IGF2R: variants seen among roughly 807,000 people sequenced by gnomAD.
The protein encoded by IGF2R is cation-independent mannose-6-phosphate receptor.
IGF2R carries 91 observed loss-of-function variants against 270.6 expected under a neutral mutation model. That is an observed-to-expected ratio of 0.34 (90% CI 0.28 to 0.40). The LOEUF is 0.40. IGF2R is among the 10% of genes least tolerant of loss of function. IGF2R has a pLI of 1.00. For synonymous variants in IGF2R, 1,316 were observed against 1,258.9 expected (o/e 1.05, Z -0.96); for missense variants, 2,805 against 3,188.3 (o/e 0.88, Z 2.90).
At position 160,108,681 on chromosome 6, in the gene IGF2R, TTTTC is replaced by T. The variant is rs950818278; in HGVS notation, c.*3603_*3606del. 5 of 152,302 alleles carry T rather than the reference TTTTC, an allele frequency of 3.3e-5. No individual in the cohort carries two copies. The highest frequency in any genetic ancestry group is 2.1e-4 in the South Asian group (1 of 4,824). The allele number at this position is 152,302 out of a possible 1,614,324, so 9.4% of individuals were successfully genotyped here. On this transcript the variant is annotated 3_prime_UTR_variant, in exon 48 of 48. Coordinates refer to ENST00000356956, the MANE Select transcript of IGF2R (RefSeq NM_000876.4). ...TTTCTTTCCTTTTCTCTCTCTCTCT[TTTTC>T]TTTCTCTCTTTCTTTCGAGATGGAG...
chr6:160,036,383 A>G (rs79972392), intron 10 of IGF2R, among the ~76,000 whole-genome samples: 2 of 152,160 alleles, frequency 1.3e-5, no homozygotes, highest in African/African-American at 2.4e-5. Context: ...TGCAGCCTGT[A>G]TCTTCCCCAT....
chr6:160,092,822 C>T (rs951881944), intron 44 of IGF2R, among the ~76,000 whole-genome samples: 7 of 152,234 alleles, frequency 4.6e-5, no homozygotes, highest in Admixed American at 1.3e-4. Context: ...CCTGCACTCT[C>T]GCCTCTGCAT....
intron 44 of IGF2R, chr6:160,093,671 C>A: frequency 2.7e-6 from 2 of 751,160 alleles, no homozygotes; most frequent in South Asian, 1.4e-5. Context: ...AACTCTGGCT[C>A]ATTTCCAAAC....
chr6:160,061,711 A>T, intron 24 of IGF2R, 42 bp from the exon 25 acceptor site: 2 of 1,613,556 alleles, frequency 1.2e-6, no homozygotes, highest in Non-Finnish European at 1.7e-6. Context: ...ACTCAAGGTC[A>T]TCGCCTTCCT....
chr6:160,046,661 G>C lies in IGF2R; in HGVS notation c.2051+16G>C, dbSNP rs780097647. On this transcript the variant is annotated intron_variant, in intron 15 of 47. Coordinates refer to ENST00000356956, the MANE Select transcript of IGF2R (RefSeq NM_000876.4). ...TGGCAAAAAGGCAAGTAGCTTCTCA[G>C]TTCTGTTTCATTCTTAGGCATTATA... 1.7e-5 allele frequency: 27 copies of C among 1,609,226 alleles called. No homozygotes were observed. Among genetic ancestry groups the C allele is most frequent in the Non-Finnish European group, 1.8e-5 (21 of 1,178,912 alleles).
chr6:159,971,702 C>A (rs990833418), intron 1 of IGF2R, among the ~76,000 whole-genome samples: 36 of 152,220 alleles, frequency 2.4e-4, no homozygotes, highest in African/African-American at 8.0e-4. Context: ...GGCAGAAGTG[C>A]AGTGGTGCAG....
At chr6:160,071,132 T>G (rs1308923825) in intron 31 of IGF2R, among the ~76,000 whole-genome samples, 1 of 135,144 alleles carries the variant, frequency 7.4e-6, no homozygotes, top group Non-Finnish European at 1.6e-5. Context: ...GGGTGGTGTG[T>G]GGGGGCCTCT....
chr6:160,040,608 C>T lies in IGF2R; in HGVS notation c.1364C>T (p.Thr455Ile). Residue 455 changes from threonine to isoleucine, a missense_variant, in exon 11 of 48, where the codon ACC (threonine) becomes ATC (isoleucine). Coordinates refer to ENST00000356956, the MANE Select transcript of IGF2R (RefSeq NM_000876.4). ...TPVFTGEVDC[T>I]YFFTWDTEYA... ...GTATTCACAGGGGAGGTTGACTGCA[C>T]CTACTTCTTCACATGGGACACGGAA... 1 of 1,614,078 alleles carries T rather than the reference C, an allele frequency of 6.2e-7. No homozygotes were observed. The highest frequency in any genetic ancestry group is 8.5e-7 in the Non-Finnish European group (1 of 1,179,942).
chr6:159,971,991 A>T (rs1022333856), intron 1 of IGF2R, among the ~76,000 whole-genome samples: 2 of 152,012 alleles, frequency 1.3e-5, no homozygotes, highest in Non-Finnish European at 2.9e-5. Flanking sequence ...CTCTCCTTAA[A>T]TACTTTTTGA....
chr6:160,034,397 C>T (rs1201326621), intron 9 of IGF2R, 22 bp from the exon 10 acceptor site: 1 of 1,452,828 alleles, frequency 6.9e-7, no homozygotes, highest in South Asian at 1.1e-5. Context: ...ACACATTTGT[C>T]TGTGTATTCA....
At chr6:160,088,383 T>C (rs1207888008) in intron 42 of IGF2R, among the ~76,000 whole-genome samples, 1 of 152,212 alleles carries the variant, frequency 6.6e-6, no homozygotes, top group Non-Finnish European at 1.5e-5. Flanking sequence ...TTGAACTAGG[T>C]TTAGCACTGG....
Position 160,050,557 on chromosome 6 carries a change from C to G in IGF2R, c.2599C>G (p.Leu867Val). The G allele has an allele frequency of 6.2e-7, 1 of 1,614,164 alleles. No homozygotes were observed. Among genetic ancestry groups the G allele is most frequent in the Non-Finnish European group, 8.5e-7 (1 of 1,180,012 alleles). ...PVVEDSGSLL[L>V]EYVNGSACTT... ...GGTTGAGGACAGCGGCAGCCTCCTT[C>G]TGGAATACGTGAATGGGTCGGCCTG... The change falls in exon 19 of 48, where the codon CTG (leucine) becomes GTG (valine). Residue 867 changes from leucine to valine, a missense_variant. By Grantham distance (32) the Leu-to-Val change is conservative. Around this residue, in one of 2 missense-constraint regions of IGF2R, gnomAD observed 1,851 missense variants for 2,207.2 expected, o/e 0.84. Coordinates refer to ENST00000356956, the MANE Select transcript of IGF2R (RefSeq NM_000876.4). The surrounding 1 kb of genome is among the most constrained non-coding windows in gnomAD (Gnocchi z 4.0).
rs17847641 is a variant in IGF2R at position 160,061,898 on chromosome 6, C to A, written c.3552C>A (p.Thr1184=). Residue 1184 remains threonine, a synonymous_variant, in exon 25 of 48, where the codon ACC becomes ACA. Transcript: ENST00000356956. ...AGTGTGGGAACCAGCGCTTCTCCACCAGGATCACGTTTGAGTGTGCTCAGA... is the reference window on the plus strand; with the variant it reads ...AGTGTGGGAACCAGCGCTTCTCCACAAGGATCACGTTTGAGTGTGCTCAGA... ...GDKCGNQRFS[T]RITFECAQIS... is the part of the protein sequence containing the mutation. 1 of 1,614,128 alleles carries A rather than the reference C, an allele frequency of 6.2e-7. No individual in the cohort carries two copies. Among genetic ancestry groups the A allele is most frequent in the South Asian group, 1.1e-5 (1 of 91,072 alleles).
rs189982297 is a variant in IGF2R, at chr6:160,104,985, G to A, written c.7377G>A (p.Ala2459=). Residue 2459 remains alanine, a synonymous_variant, in exon 48 of 48, where the codon GCG becomes GCA. Coordinates refer to ENST00000356956, the MANE Select transcript of IGF2R (RefSeq NM_000876.4). ...TGGGGCTGGTCAGGGGTGAGAAGGC[G>A]AGGAAAGGGAAGTCCAGCTCTGCAC... The part of the protein sequence containing the change: ...DRVGLVRGEK[A]RKGKSSSAQQ... The A allele has an allele frequency of 1.2e-4, 190 of 1,613,984 alleles. No individual in the cohort carries two copies. The highest frequency in any genetic ancestry group is 1.5e-4 in the Non-Finnish European group (177 of 1,180,006).
Position 160,073,789 on chromosome 6 carries a change from T to C in IGF2R, c.4980T>C (p.Ile1660=), listed in dbSNP as rs1583293395. 1 of 1,614,162 alleles carries C rather than the reference T, an allele frequency of 6.2e-7. No individual in the cohort carries two copies. The highest frequency in any genetic ancestry group is 1.1e-5 in the South Asian group (1 of 91,086). Residue 1660 remains isoleucine (I), a synonymous_variant, in exon 35 of 48, where the codon ATT becomes ATC. Coordinates refer to ENST00000356956, the MANE Select transcript of IGF2R (RefSeq NM_000876.4). ...GTTCCGTGAGGAATGGAAGCTCTAT[T>C]GTTGACTTGTCTCCCCTTATTCATC... The part of the protein sequence containing the change: ...TECSVRNGSS[I]VDLSPLIHRT...
rs774057008 is a variant in IGF2R at position 160,048,494 on chromosome 6, G to T, written c.2465G>T (p.Gly822Val). 6.2e-7 allele frequency: 1 copy of T among 1,614,186 alleles called. No homozygotes were observed. The highest frequency in any genetic ancestry group is 1.1e-5 in the South Asian group (1 of 91,074). ...NVCRPLNPVP[G>V]CNRYASACQM... The stretch of plus-strand genomic sequence containing the variant: ...TGTCGGCCTCTGAATCCAGTGCCGG[G>T]CTGCAACCGATATGCATCGGCTTGC... Residue 822 changes from glycine to valine, a missense_variant, in exon 18 of 48, where the codon GGC becomes GTC. Coordinates refer to ENST00000356956, the MANE Select transcript of IGF2R (RefSeq NM_000876.4).
chr6:160,067,522 C>T (rs1374986487), intron 29 of IGF2R, among the ~76,000 whole-genome samples: 2 of 152,134 alleles, frequency 1.3e-5, no homozygotes, highest in Non-Finnish European at 1.5e-5. Context: ...ATGTTTAATA[C>T]TGTTTTGTTT....
chr6:160,016,536 T>G (rs1362030705), intron 4 of IGF2R, among the ~76,000 whole-genome samples: 2 of 152,198 alleles, frequency 1.3e-5, no homozygotes, highest in East Asian at 1.9e-4. Flanking sequence ...GCTGCCTCTT[T>G]CCTGCAAGTA....
rs772339812 is a variant in IGF2R at position 160,044,677 on chromosome 6, T to A, written c.1765+20T>A. 6.3e-7 allele frequency: 1 copy of A among 1,590,586 alleles called. No individual in the cohort carries two copies. The highest frequency in any genetic ancestry group is 8.5e-7 in the Non-Finnish European group (1 of 1,169,716). On this transcript the variant is annotated intron_variant, in intron 13 of 47. Coordinates refer to ENST00000356956, the MANE Select transcript of IGF2R (RefSeq NM_000876.4). ...AGCCAGGTAAAAATTTTAAAAAAGATGAAATCTTTTCTGGCTTCTGCCAGA... is the reference window on the plus strand; with the variant it reads ...AGCCAGGTAAAAATTTTAAAAAAGAAGAAATCTTTTCTGGCTTCTGCCAGA...
Sources: allele counts gnomAD v4.1 joint callset (sites outside exome capture counted in the v4.1 genomes callset), GRCh38; gene constraint gnomAD v4.1.1; regional missense constraint gnomAD v4.1.1; non-coding constraint Gnocchi (gnomAD v3.1); transcripts MANE v1.5; gene names NCBI Gene and HGNC (gene_info 2026-07-23, HGNC 2026-07-21).